The following NLK variants were observed in gnomAD, a reference collection of about 807,000 sequenced individuals.
NLK encodes the protein serine/threonine-protein kinase NLK.
A neutral mutation model predicts 59.0 loss-of-function variants in NLK; 11 were observed. The observed-to-expected ratio is 0.19, with a 90% CI of 0.12 to 0.31. The LOEUF (loss-of-function observed/expected upper bound fraction) is 0.31. Among genes scored for constraint, NLK ranks in the 10% least tolerant of loss-of-function variants. NLK has a pLI of 1.00. For synonymous variants in NLK, 235 were observed against 235.9 expected, an observed-to-expected ratio of 1.00 and a Z score of 0.03; for missense variants, 410 against 661.1, an observed-to-expected ratio of 0.62 and a Z score of 4.16.
At chr17:28,168,864 G>C (rs1908349562) in intron 6 of NLK, among the ~76,000 whole-genome samples, 1 of 152,074 alleles carries the variant, frequency 6.6e-6, no homozygotes, top group Non-Finnish European at 1.5e-5. Context: ...GGAGTATTGA[G>C]TTTATTTATG....
intron 1 of NLK, among the ~76,000 whole-genome samples, chr17:28,053,302 A>G (rs889651511): frequency 3.3e-5 from 5 of 152,184 alleles, no homozygotes; most frequent in African/African-American, 9.7e-5. Context: ...GAGTGGGTAT[A>G]TTTATGGAAC....
intron 1 of NLK, among the ~76,000 whole-genome samples, chr17:28,079,422 T>C (rs1035660416): frequency 2.0e-5 from 3 of 152,186 alleles, no homozygotes; most frequent in Non-Finnish European, 4.4e-5. Flanking sequence ...ATTTTTAAGT[T>C]TTTGAAGAGC....
chr17:28,100,840 A>G (rs912646592), intron 1 of NLK, among the ~76,000 whole-genome samples: 1 of 152,138 alleles, frequency 6.6e-6, no homozygotes, highest in African/African-American at 2.4e-5. Context: ...AATCAGTTTT[A>G]CCTTTTAAAT....
chr17:28,155,158 TA>T (rs1406016447), intron 3 of NLK, among the ~76,000 whole-genome samples: 8 of 152,204 alleles, frequency 5.3e-5, no homozygotes, highest in Admixed American at 3.3e-4. Context: ...TCTGCATTAT[TA>T]AACCATTGAA....
chr17:28,111,896 G>GTGTGGTGTGT lies in NLK; in HGVS notation c.459-10707_459-10706insTGTGGTGTGT, dbSNP rs1394476582. On this transcript the variant is annotated intron_variant, in intron 1 of 10. Transcript: ENST00000407008. ...TGTGTGTGTGTGTGTGTGTGTGTGTGGTGTGTGTGTGTGTGTGTGTGTGTG... is the reference window on the plus strand; with the variant it reads ...TGTGTGTGTGTGTGTGTGTGTGTGTGTGTGGTGTGTGTGTGTGTGTGTGTGTGTGTGTGTG... Among the ~76,000 whole-genome samples, 61 of 67,538 alleles carry GTGTGGTGTGT rather than the reference G, an allele frequency of 9.0e-4. 1 individual carries two copies. Among genetic ancestry groups the GTGTGGTGTGT allele is most frequent in the African/African-American group, 2.0e-3 (33 of 16,314 alleles). The allele number at this position is 67,538 out of a possible 152,430, so 44.3% of individuals were successfully genotyped here.
At chr17:28,166,740 T>C (rs1567734255) in intron 5 of NLK, among the ~76,000 whole-genome samples, 3 of 152,224 alleles carry the variant, frequency 2.0e-5, no homozygotes, top group African/African-American at 7.2e-5. Flanking sequence ...CTGCTGTTTA[T>C]TAATAGCTCA....
intron 1 of NLK, among the ~76,000 whole-genome samples, chr17:28,051,417 T>TG (rs1597653025): frequency 1.3e-5 from 2 of 151,818 alleles, no homozygotes; most frequent in Admixed American, 6.6e-5. Context: ...TGGAGTGCAG[T>TG]GGCATGATCT....
Position 28,111,943 on chromosome 17 carries a change from G to GTGTA in NLK, c.459-10656_459-10653dup, listed in dbSNP as rs1234156540. On this transcript the variant is annotated intron_variant, in intron 1 of 10. Transcript: ENST00000407008. ...TGTGTGTGTGTGTGTGTGTGTGTGTGTGTATGTGTAGGGAGAGCATGTAGT... is the reference window on the plus strand; with the variant it reads ...TGTGTGTGTGTGTGTGTGTGTGTGTGTGTATGTATGTGTAGGGAGAGCATGTAGT... 6.4e-3 allele frequency among the ~76,000 whole-genome samples: 908 copies of GTGTA among 141,326 alleles called. 2 individuals carry two copies. Among genetic ancestry groups the GTGTA allele is most frequent in the Non-Finnish European group, 0.011 (733 of 64,388 alleles). 92.7% of individuals were successfully genotyped at this position (141,326 alleles called of 152,430 possible). A position where few individuals can be genotyped will look rare whatever the true frequency, so the allele number is the denominator to read the frequency against.
intron 1 of NLK, among the ~76,000 whole-genome samples, chr17:28,099,535 G>A (rs1471826094): frequency 1.3e-5 from 2 of 150,292 alleles, no homozygotes; most frequent in African/African-American, 4.9e-5. Context: ...TCAAATAAAT[G>A]GAGTCATATT....
chr17:28,199,052 G>A (rs1237906896), downstream of NLK, among the ~76,000 whole-genome samples: 1 of 152,158 alleles, frequency 6.6e-6, no homozygotes, highest in Non-Finnish European at 1.5e-5. Context: ...AAAGTAAATC[G>A]GTTTTGCCCA....
rs35639099 is a variant in NLK at position 28,077,073 on chromosome 17, CTTTTTTTT to C, written c.458+33760_458+33767del. Among the ~76,000 whole-genome samples the C allele has an allele frequency of 4.0e-4, 17 of 42,492 alleles. 1 individual carries two copies. Among genetic ancestry groups the C allele is most frequent in the South Asian group, 1.2e-3 (1 of 818 alleles). 27.9% of individuals were successfully genotyped at this position (42,492 alleles called of 152,430 possible). A position where few individuals can be genotyped will look rare whatever the true frequency, so the allele number is the denominator to read the frequency against. ...CTTTGCTTTGTACTTCTCTTTCTTTCTTTTTTTTTTTTTTTTTTTTTTTTTGGCTTTGT... is the reference window on the plus strand; with the variant it reads ...CTTTGCTTTGTACTTCTCTTTCTTTCTTTTTTTTTTTTTTTTTGGCTTTGT... On this transcript the variant is annotated intron_variant, in intron 1 of 10. Transcript: ENST00000407008.
intron 1 of NLK, among the ~76,000 whole-genome samples, chr17:28,113,216 C>T (rs1256085989): frequency 6.6e-6 from 1 of 152,132 alleles, no homozygotes; most frequent in Non-Finnish European, 1.5e-5. Flanking sequence ...AAAGTGCACA[C>T]CTCTATGACC....
At chr17:28,104,345 C>T (rs986760322) in intron 1 of NLK, among the ~76,000 whole-genome samples, 4 of 152,120 alleles carry the variant, frequency 2.6e-5, no homozygotes, top group Non-Finnish European at 5.9e-5. Flanking sequence ...ACATCCGCCT[C>T]CCGGGTTCAA....
intron 1 of NLK, among the ~76,000 whole-genome samples, chr17:28,106,814 T>G (rs1055665624): frequency 4.6e-5 from 7 of 152,154 alleles, no homozygotes; most frequent in Non-Finnish European, 1.0e-4. Flanking sequence ...CCATCACCAA[T>G]TATCCAGCTC....
chr17:28,181,302 G>A (rs1908895293), intron 7 of NLK, among the ~76,000 whole-genome samples: 1 of 152,240 alleles, frequency 6.6e-6, no homozygotes, highest in African/African-American at 2.4e-5. Flanking sequence ...TGGAGGCTGA[G>A]GCAGGAGAAT....
chr17:28,067,229 T>C (rs117760454), intron 1 of NLK, among the ~76,000 whole-genome samples: 100 of 152,356 alleles, frequency 6.6e-4, no homozygotes, highest in Admixed American at 1.2e-3. Context: ...TTTAATGGTT[T>C]ACACTGAAGT....
chr17:28,138,576 C>T (rs1906856867), intron 3 of NLK, among the ~76,000 whole-genome samples: 1 of 152,114 alleles, frequency 6.6e-6, no homozygotes. Context: ...CTCTGTAACC[C>T]TCAGGGAATC....
At chr17:28,077,587 T>C (rs1323929737) in intron 1 of NLK, among the ~76,000 whole-genome samples, 1 of 152,178 alleles carries the variant, frequency 6.6e-6, no homozygotes, top group African/African-American at 2.4e-5. Context: ...ACTTAAATTA[T>C]AAACAATTTC....
the NLK span, among the ~76,000 whole-genome samples, chr17:28,204,112 A>T: frequency 1.3e-5 from 2 of 152,176 alleles, no homozygotes; most frequent in African/African-American, 4.8e-5. Context: ...AGCTTTTTAA[A>T]CTGTCACAAT....
Sources: allele counts gnomAD v4.1 joint callset (sites outside exome capture counted in the v4.1 genomes callset), GRCh38; gene constraint gnomAD v4.1.1; transcripts MANE v1.5; gene names NCBI Gene and HGNC (gene_info 2026-07-23, HGNC 2026-07-21).